The following SNW1 variants were observed in gnomAD, a reference collection of about 807,000 sequenced individuals.
SNW1 encodes SNW domain-containing protein 1.
In SNW1, 9 loss-of-function variants were observed where a neutral mutation model predicts 75.6. The ratio of observed to expected loss-of-function variants is 0.12; its 90% confidence interval spans 0.07 to 0.21. SNW1 has a LOEUF of 0.21. Ranked by LOEUF, SNW1 falls within the 10% of genes least tolerant of loss-of-function variation. SNW1 has a pLI of 1.00. For missense variants in SNW1, 409 were observed against 670.9 expected (o/e 0.61, Z 4.31); for synonymous variants, 200 against 219.1 (o/e 0.91, Z 0.77).
chr14:77,753,587 C>A (rs1361913490), intron 2 of SNW1, among the ~76,000 whole-genome samples: 1 of 152,080 alleles, frequency 6.6e-6, no homozygotes, highest in Non-Finnish European at 1.5e-5. Flanking sequence ...AACAAAAAGA[C>A]CTACATGTGG....
intron 3 of SNW1, among the ~76,000 whole-genome samples, chr14:77,741,950 A>C (rs1230988350): frequency 6.6e-6 from 1 of 152,120 alleles, no homozygotes; most frequent in Non-Finnish European, 1.5e-5. Context: ...AATGAGCATC[A>C]ATAAGATTCT....
chr14:77,730,141 TC>T (rs2080617492), intron 10 of SNW1, among the ~76,000 whole-genome samples: 1 of 152,226 alleles, frequency 6.6e-6, no homozygotes, highest in Admixed American at 6.5e-5. Context: ...TTCCTTACTT[TC>T]TTCAAGTATT....
intron 5 of SNW1, among the ~76,000 whole-genome samples, chr14:77,738,535 G>A (rs528336224): frequency 6.7e-6 from 1 of 150,338 alleles, no homozygotes; most frequent in African/African-American, 2.4e-5. Context: ...AGCTGTGTTG[G>A]TGTCACCGTA....
intron 7 of SNW1, 100 bp from the exon 8 acceptor site, chr14:77,735,112 C>T (rs1051272291): frequency 6.6e-6 from 5 of 759,902 alleles, no homozygotes; most frequent in Non-Finnish European, 1.1e-5. Context: ...TATACACTGA[C>T]ATATGCACAG....
Position 77,737,326 on chromosome 14 carries a change from T to C in SNW1, c.534-251A>G, listed in dbSNP as rs1471693786. ...ACCCATCCTCATATGTTTTCCAACA[T>C]GGAAGGTGCCGTGTTCAGTTTCACA... On this transcript the variant is annotated intron_variant, in intron 5 of 13. Coordinates refer to ENST00000261531, the MANE Select transcript of SNW1 (RefSeq NM_012245.3). Among the ~76,000 whole-genome samples, 7 of 152,080 alleles carry C rather than the reference T, an allele frequency of 4.6e-5. No individual in the cohort carries two copies. The East Asian group carries it at 9.6e-4, about 21-fold the overall frequency.
In SNW1 at chr14:77,725,934, A is replaced by G. The variant is rs189253027; in HGVS notation, c.1034-2657T>C. On this transcript the variant is annotated intron_variant, in intron 10 of 13. Coordinates refer to ENST00000261531, the MANE Select transcript of SNW1 (RefSeq NM_012245.3). ...TTGTCTCCAAACAATCAAAAATTCC[A>G]TGCATTTATAGCCGATCCATTTATT... 1.2e-4 allele frequency among the ~76,000 whole-genome samples: 19 copies of G among 152,192 alleles called. 1 individual carries two copies. The highest frequency in any genetic ancestry group is 2.6e-4 in the African/African-American group (11 of 41,536).
intron 5 of SNW1, among the ~76,000 whole-genome samples, chr14:77,737,532 G>A (rs751353900): frequency 6.6e-5 from 10 of 152,098 alleles, no homozygotes; most frequent in Non-Finnish European, 1.3e-4. Flanking sequence ...ATATCTGTAT[G>A]TGATTCAATT....
intron 3 of SNW1, among the ~76,000 whole-genome samples, chr14:77,748,782 T>C (rs2080784732): frequency 6.6e-6 from 1 of 151,990 alleles, no homozygotes; most frequent in East Asian, 1.9e-4. Context: ...AGAGACGGGG[T>C]TTCACTGTGT....
chr14:77,732,838 A>G lies in SNW1; in HGVS notation c.775-237T>C, dbSNP rs549537675. On this transcript the variant is annotated intron_variant, in intron 8 of 13. Transcript: ENST00000261531. ...CGCCACACACTCGGCTAGTTTTTCT[A>G]TTTTTAGTAGAGACGGAGTTTCACC... 5.3e-5 allele frequency among the ~76,000 whole-genome samples: 8 copies of G among 152,118 alleles called. No individual in the cohort carries two copies. The East Asian group carries it at 9.7e-4, about 18-fold the overall frequency.
chr14:77,734,514 C>T (rs376061028), intron 8 of SNW1, among the ~76,000 whole-genome samples: 3 of 152,158 alleles, frequency 2.0e-5, no homozygotes, highest in African/African-American at 4.8e-5. Context: ...CCGAGGCCGG[C>T]GGATCACAAG....
chr14:77,747,096 T>C (rs2080766382), intron 3 of SNW1, among the ~76,000 whole-genome samples: 2 of 152,152 alleles, frequency 1.3e-5, no homozygotes, highest in African/African-American at 4.8e-5. Flanking sequence ...TTCGTATTTT[T>C]TTGGTGGAGA....
At chr14:77,748,789 G>A (rs963372702) in intron 3 of SNW1, among the ~76,000 whole-genome samples, 4 of 152,000 alleles carry the variant, frequency 2.6e-5, no homozygotes, top group Non-Finnish European at 4.4e-5. Context: ...GGGTTTCACT[G>A]TGTTAGCCAG....
chr14:77,747,371 G>A (rs1199298555), intron 3 of SNW1, among the ~76,000 whole-genome samples: 1 of 152,066 alleles, frequency 6.6e-6, no homozygotes, highest in Non-Finnish European at 1.5e-5. Flanking sequence ...TCTCTGCCAG[G>A]CCGCCCATCG....
At chr14:77,721,737 T>C (rs1218570259) in intron 11 of SNW1, among the ~76,000 whole-genome samples, 2 of 152,090 alleles carry the variant, frequency 1.3e-5, no homozygotes, top group East Asian at 1.9e-4. Context: ...TGCTTATTTA[T>C]TTTTATTTTT....
chr14:77,754,831 C>A, intron 2 of SNW1, 136 bp downstream of exon 2: 1 of 752,298 alleles, frequency 1.3e-6, no homozygotes, highest in Non-Finnish European at 2.1e-6. Context: ...AAATATACAT[C>A]TTGAGAGCAC....
At chr14:77,754,596 T>C (rs920835126) in intron 2 of SNW1, among the ~76,000 whole-genome samples, 2 of 152,164 alleles carry the variant, frequency 1.3e-5, no homozygotes, top group African/African-American at 4.8e-5. Flanking sequence ...TGTGGTATTA[T>C]CGGAGGGGAG....
chr14:77,759,288 C>T (rs1047586347), intron 1 of SNW1, among the ~76,000 whole-genome samples: 4 of 151,980 alleles, frequency 2.6e-5, no homozygotes, highest in Admixed American at 2.6e-4. Flanking sequence ...ATGGGTAGAT[C>T]AGATCAGTTA....
At chr14:77,740,958 A>C (rs1004587506) in intron 3 of SNW1, among the ~76,000 whole-genome samples, 2 of 151,874 alleles carry the variant, frequency 1.3e-5, no homozygotes, top group Non-Finnish European at 2.9e-5. Context: ...TTAACCAGGC[A>C]TGGTGGTGGG....
intron 2 of SNW1, among the ~76,000 whole-genome samples, chr14:77,752,225 TATTC>T (rs2080814735): frequency 6.6e-6 from 1 of 152,198 alleles, no homozygotes; most frequent in African/African-American, 2.4e-5. Flanking sequence ...ACATATTATT[TATTC>T]ATTGTTATGT....
Sources: gnomAD v4.1 joint callset for allele counts (sites outside exome capture counted in the v4.1 genomes callset) on GRCh38, gnomAD v4.1.1 for gene constraint, MANE v1.5 for transcripts, NCBI Gene and HGNC (gene_info 2026-07-23, HGNC 2026-07-21) for gene names.